SGK2: variants seen among roughly 807,000 people sequenced by gnomAD.
SGK2 encodes serum/glucocorticoid regulated kinase 2.
A neutral mutation model predicts 47.5 loss-of-function variants in SGK2; 36 were observed. The ratio of observed to expected loss-of-function variants is 0.76; its 90% CI spans 0.58 to 1.00. SGK2 has a LOEUF of 1.00. Ranked by LOEUF, SGK2 falls within the 50% of genes least tolerant of loss-of-function variation. SGK2 has a pLI of 0.00. For synonymous variants in SGK2, 157 were observed against 181.9 expected (o/e 0.86, Z 1.10); for missense variants, 404 against 467.4 (o/e 0.86, Z 1.25).
chr20:43,576,183 T>C, intron 10 of SGK2, 41 bp from the exon 11 acceptor site: 1 of 1,608,058 alleles, frequency 6.2e-7, no homozygotes. Flanking sequence ...TGTGTTCACT[T>C]TGCATGGGTG....
At position 43,560,765 on chromosome 20, in the gene SGK2, A is replaced by G. The variant is rs187163535; in HGVS notation, c.-24+1606A>G. Among the ~76,000 whole-genome samples the G allele has an allele frequency of 4.6e-3, 707 of 152,330 alleles. 7 individuals are homozygous for G. Among genetic ancestry groups the G allele is most frequent in the African/African-American group, 0.016 (651 of 41,568 alleles). Reference sequence around the variant, plus strand: ...TTGGTTGTGTAATTTTCCACTTTATATATGTACCAACATTTATCAATTCAT... The same window carrying G: ...TTGGTTGTGTAATTTTCCACTTTATGTATGTACCAACATTTATCAATTCAT... On this transcript the variant is annotated intron_variant, in intron 1 of 12. Coordinates refer to ENST00000373100, the MANE Select transcript of SGK2 (RefSeq NM_170693.3).
intron 8 of SGK2, among the ~76,000 whole-genome samples, 170 bp from the exon 9 acceptor site, chr20:43,571,881 C>G (rs1366757425): frequency 6.6e-6 from 1 of 152,212 alleles, no homozygotes; most frequent in Non-Finnish European, 1.5e-5. Context: ...CTGTGCTGCT[C>G]CTGACATCCA....
intron 5 of SGK2, among the ~76,000 whole-genome samples, chr20:43,569,081 A>G (rs1234209847): frequency 6.6e-6 from 1 of 152,214 alleles, no homozygotes; most frequent in East Asian, 1.9e-4. Flanking sequence ...TTAGGAACTC[A>G]GTTATGTAGG....
chr20:43,569,341 T>C (rs534243732), intron 5 of SGK2, 44 bp from the exon 6 acceptor site: 2 of 1,605,700 alleles, frequency 1.2e-6, no homozygotes, highest in East Asian at 4.5e-5. Context: ...TAAAAGAGGC[T>C]GTTGTGGGCT....
In SGK2 at chr20:43,559,116, T is replaced by C. The variant is rs1177534657; in HGVS notation, c.-67T>C. On this transcript the variant is annotated 5_prime_UTR_variant, in exon 1 of 13. The change abolishes an upstream ATG in the 5' untranslated region. Transcript: ENST00000373100. ...AGAGAGAAGAGGGCAGAGCCGTGCA[T>C]GGGGCTGCTCCCCAGGACCTGAGCA... The C allele has an allele frequency of 6.6e-6, 1 of 152,216 alleles. No individual in the cohort carries two copies. Among genetic ancestry groups the C allele is most frequent in the Non-Finnish European group, 1.5e-5 (1 of 68,144 alleles). 9.4% of individuals were successfully genotyped at this position (152,216 alleles called of 1,614,324 possible). A position where few individuals can be genotyped will look rare whatever the true frequency, so the allele number is the denominator to read the frequency against.
chr20:43,582,270 C>T (rs1601002692), intron 12 of SGK2, among the ~76,000 whole-genome samples: 1 of 152,240 alleles, frequency 6.6e-6, no homozygotes, highest in East Asian at 1.9e-4. Context: ...GTAGCCCAGG[C>T]TGATCTTGAA....
At chr20:43,578,474 G>A (rs1980599561) in intron 11 of SGK2, among the ~76,000 whole-genome samples, 1 of 152,044 alleles carries the variant, frequency 6.6e-6, no homozygotes, top group Non-Finnish European at 1.5e-5. Flanking sequence ...CGGCAACAGA[G>A]TGAGACTCTA....
At chr20:43,581,545 TTTTTA>T (rs1352978871) in intron 12 of SGK2, among the ~76,000 whole-genome samples, 11 of 152,112 alleles carry the variant, frequency 7.2e-5, no homozygotes, top group African/African-American at 2.7e-4. Flanking sequence ...TCTTTTTTTA[TTTTTA>T]TTTTATTTAT....
intron 12 of SGK2, 74 bp from the exon 13 acceptor site, chr20:43,584,778 C>T: frequency 8.0e-7 from 1 of 1,249,466 alleles, no homozygotes; most frequent in Non-Finnish European, 1.1e-6. Context: ...CCTGACATCC[C>T]TCTCTGAGGA....
In SGK2 at chr20:43,585,312, T is replaced by C. The variant is rs1371121208; in HGVS notation, c.*296T>C. 3 of 212,840 alleles carry C rather than the reference T, an allele frequency of 1.4e-5. No homozygotes were observed. Among genetic ancestry groups the C allele is most frequent in the Non-Finnish European group, 2.9e-5 (3 of 103,844 alleles). 13.2% of individuals were successfully genotyped at this position (212,840 alleles called of 1,614,324 possible). A position where few individuals can be genotyped will look rare whatever the true frequency, so the allele number is the denominator to read the frequency against. Reference sequence around the variant, plus strand: ...TATTTTGTGTTTAGGGAAGGGAAAATGGAGGAAAGGGGAGAAGAGCAAAGG... The same window carrying C: ...TATTTTGTGTTTAGGGAAGGGAAAACGGAGGAAAGGGGAGAAGAGCAAAGG... On this transcript the variant is annotated 3_prime_UTR_variant, in exon 13 of 13. Transcript: ENST00000373100.
intron 12 of SGK2, chr20:43,583,460 C>T: frequency 8.5e-7 from 1 of 1,181,638 alleles, no homozygotes; most frequent in Non-Finnish European, 1.1e-6. Flanking sequence ...ACTCTGAGTG[C>T]TGGGCTGGGA....
intron 12 of SGK2, among the ~76,000 whole-genome samples, chr20:43,582,578 G>A (rs1003290442): frequency 6.6e-6 from 1 of 151,188 alleles, no homozygotes; most frequent in African/African-American, 2.4e-5. Context: ...AGTAGAGATG[G>A]GGTTTTACTA....
rs1216231388 is a variant in SGK2 at position 43,584,996 on chromosome 20, G to A, written c.1084G>A (p.Asp362Asn). 4 of 1,614,014 alleles carry A rather than the reference G, an allele frequency of 2.5e-6. No individual in the cohort carries two copies. Among genetic ancestry groups the A allele is most frequent in the Non-Finnish European group, 3.4e-6 (4 of 1,179,942 alleles). Reference protein sequence around the residue: ...FLGFSYAPEDDDILDC With the variant: ...FLGFSYAPEDNDILDC ...GGGATTTTCTTATGCGCCAGAGGAT[G>A]ATGACATCTTGGATTGCTAGAAGAG... Residue 362 changes from aspartate (D) to asparagine (N), a missense_variant, in exon 13 of 13, where the codon GAT becomes AAT. By Grantham distance (23) the Asp-to-Asn change is conservative. Coordinates refer to ENST00000373100, the MANE Select transcript of SGK2 (RefSeq NM_170693.3).
At chr20:43,566,248 C>G in intron 1 of SGK2, 1 of 1,255,348 alleles carries the variant, frequency 8.0e-7, no homozygotes, top group South Asian at 1.4e-5. Context: ...CTGACCATCC[C>G]CCTTTATCCC....
intron 1 of SGK2, 187 bp from the exon 2 acceptor site, chr20:43,566,286 G>T: frequency 6.5e-7 from 1 of 1,542,502 alleles, no homozygotes; most frequent in Non-Finnish European, 8.9e-7. Context: ...GGAAGTCTGG[G>T]TCCAGGGGAT....
intron 12 of SGK2, among the ~76,000 whole-genome samples, chr20:43,581,697 T>C (rs1980808442): frequency 6.6e-6 from 1 of 152,130 alleles, no homozygotes; most frequent in South Asian, 2.1e-4. Flanking sequence ...CCTGGCTAAT[T>C]TTTGCATTTT....
intron 1 of SGK2, among the ~76,000 whole-genome samples, chr20:43,561,127 A>G (rs1311864732): frequency 6.6e-6 from 1 of 152,218 alleles, no homozygotes; most frequent in Non-Finnish European, 1.5e-5. Context: ...AAGCCTCTCC[A>G]AGAGGTGACT....
intron 8 of SGK2, among the ~76,000 whole-genome samples, chr20:43,571,360 T>A (rs978127316): frequency 6.6e-6 from 1 of 151,978 alleles, no homozygotes; most frequent in African/African-American, 2.4e-5. Flanking sequence ...GACTCTGAGA[T>A]GGAGAGGAGG....
At chr20:43,584,596 G>A (rs1426021170) in intron 12 of SGK2, among the ~76,000 whole-genome samples, 1 of 152,142 alleles carries the variant, frequency 6.6e-6, no homozygotes. Context: ...CCAGCGCCAC[G>A]AACAGTACCT....
Sources: gnomAD v4.1 joint callset for allele counts (sites outside exome capture counted in the v4.1 genomes callset) on GRCh38, gnomAD v4.1.1 for gene constraint, MANE v1.5 for transcripts, NCBI Gene and HGNC (gene_info 2026-07-23, HGNC 2026-07-21) for gene names.